The following METTL21C variants were observed in gnomAD, a reference collection of about 807,000 sequenced individuals.
The protein encoded by METTL21C is protein-lysine methyltransferase METTL21C.
A neutral mutation model predicts 25.9 loss-of-function variants in METTL21C; 21 were observed. That is an observed-to-expected ratio of 0.81 (90% CI 0.58 to 1.17). The LOEUF (loss-of-function observed/expected upper bound fraction) is 1.17. Ranked by LOEUF, METTL21C falls within the 50% of genes most tolerant of loss-of-function variation. The probability of loss-of-function intolerance (pLI) is 0.00; values close to 1 mark genes in which losing one functional copy is unlikely to be tolerated. For missense variants in METTL21C, 312 were observed against 315.1 expected (o/e 0.99, Z 0.07); for synonymous variants, 125 against 124.7 (o/e 1.00, Z -0.01).
chr13:102,693,835 G>A (rs1885886314), intron 1 of METTL21C, among the ~76,000 whole-genome samples: 1 of 152,148 alleles, frequency 6.6e-6, no homozygotes, highest in South Asian at 2.1e-4. Flanking sequence ...TTGGAGTTGG[G>A]ATACATTTTT....
At chr13:102,695,608 G>C (rs918077055), upstream of METTL21C, among the ~76,000 whole-genome samples, 7 of 152,134 alleles carry the variant, frequency 4.6e-5, no homozygotes, top group African/African-American at 1.7e-4. Context: ...CGTTTCTCTG[G>C]TGTCACTATT....
At chr13:102,691,007 A>C (rs1885817261) in intron 1 of METTL21C, 43 bp from the exon 2 acceptor site, 1 of 1,604,278 alleles carries the variant, frequency 6.2e-7, no homozygotes, top group East Asian at 2.2e-5. Flanking sequence ...ATTTGTTCAA[A>C]TCCAGTGCAA....
upstream of METTL21C, among the ~76,000 whole-genome samples, chr13:102,699,632 A>G (rs968437091): frequency 3.9e-5 from 6 of 152,226 alleles, no homozygotes; most frequent in African/African-American, 1.4e-4. Context: ...GACCTTCTTC[A>G]AGAACCCTGG....
the METTL21C span, among the ~76,000 whole-genome samples, chr13:102,701,326 G>C: frequency 4.6e-5 from 7 of 152,222 alleles, no homozygotes; most frequent in African/African-American, 1.2e-4. Context: ...TCGTCTCTGA[G>C]AGACATAGCA....
chr13:102,694,890 T>TCA lies in METTL21C; in HGVS notation c.-393_-392insTG, dbSNP rs1297800145. 8.9e-5 allele frequency among the ~76,000 whole-genome samples: 12 copies of TCA among 134,594 alleles called. No homozygotes were observed. The highest frequency in any genetic ancestry group is 3.4e-4 in the African/African-American group (11 of 31,944). The allele number at this position is 134,594 out of a possible 152,430, so 88.3% of individuals were successfully genotyped here. ...CTCTCTCTTTCTCTCTCTCTCTCTC[T>TCA]CTCTCTCTCTCACACACACACACAC... is the stretch of plus-strand genomic sequence containing the variant. On this transcript the variant is annotated 5_prime_UTR_variant, in exon 1 of 4. Transcript: ENST00000267273.
rs750070673 is a variant in METTL21C at position 102,686,055 on chromosome 13, A to G, written c.771T>C (p.Phe257=). The G allele has an allele frequency of 2.0e-5, 31 of 1,589,696 alleles. 1 individual carries two copies. The African/African-American group carries it at 3.6e-4, about 19-fold the overall frequency. ...AEYPESSVKL[F]KGILKWD is the part of the protein sequence containing the mutation. ...TTTAGTCCCATTTTAGTATCCCCTT[A>G]AAAAGTTTGACTGATGACTCTGGAT... is the stretch of plus-strand genomic sequence containing the variant. The change falls in exon 4 of 4, where the codon TTT becomes TTC. Residue 257 remains phenylalanine (F), a synonymous_variant. Coordinates refer to ENST00000267273, the MANE Select transcript of METTL21C (RefSeq NM_001010977.3).
chr13:102,701,147 G>A, the METTL21C span, among the ~76,000 whole-genome samples: 1 of 151,746 alleles, frequency 6.6e-6, no homozygotes, highest in African/African-American at 2.4e-5. Flanking sequence ...TTGGAGAGAC[G>A]TTCTCCCATG....
Position 102,686,308 on chromosome 13 carries a change from C to A in METTL21C, c.518G>T (p.Gly173Val), listed in dbSNP as rs1266657393. 1.1e-5 allele frequency: 17 copies of A among 1,614,054 alleles called. No individual in the cohort carries two copies. Among genetic ancestry groups the A allele is most frequent in the African/African-American group, 1.3e-5 (1 of 74,904 alleles). ...GGGAAAGTTTTTGTCCAGGTCTTCC[C>A]CCCATACCAGTTCTTTCACTTCAGG... ...HLPEVKELVW[G>V]EDLDKNFPKS... Residue 173 changes from glycine to valine, a missense_variant, in exon 4 of 4, where the codon GGG becomes GTG. Physicochemically the swap from Gly to Val is moderately radical, Grantham distance 109 (BLOSUM62 -3). Coordinates refer to ENST00000267273, the MANE Select transcript of METTL21C (RefSeq NM_001010977.3).
upstream of METTL21C, among the ~76,000 whole-genome samples, chr13:102,695,270 G>A (rs1016144624): frequency 2.0e-5 from 3 of 152,160 alleles, no homozygotes; most frequent in African/African-American, 7.2e-5. Context: ...GAAGGGACGG[G>A]AGTCAAAGGC....
the METTL21C span, among the ~76,000 whole-genome samples, chr13:102,704,177 C>T: frequency 6.6e-6 from 1 of 152,204 alleles, no homozygotes; most frequent in African/African-American, 2.4e-5. Flanking sequence ...TCAGAGCGCT[C>T]ACCTCATTTC....
the METTL21C span, among the ~76,000 whole-genome samples, chr13:102,703,161 A>G: frequency 4.7e-3 from 717 of 152,270 alleles, 1 homozygote; most frequent in Non-Finnish European, 8.5e-3. Flanking sequence ...CTTTCTTTCT[A>G]TAGCTGATGA....
chr13:102,693,792 C>T (rs1295973361), intron 1 of METTL21C, among the ~76,000 whole-genome samples: 2 of 152,148 alleles, frequency 1.3e-5, no homozygotes, highest in African/African-American at 4.8e-5. Context: ...TTTACGTAAA[C>T]AATGCAGTAA....
upstream of METTL21C, among the ~76,000 whole-genome samples, chr13:102,698,581 C>A (rs2138896264): frequency 6.6e-6 from 1 of 152,292 alleles, no homozygotes; most frequent in Non-Finnish European, 1.5e-5. Context: ...GAAGCTGACT[C>A]ACCAAAGCAC....
upstream of METTL21C, among the ~76,000 whole-genome samples, chr13:102,695,630 A>AT (rs1342693429): frequency 6.6e-6 from 1 of 152,038 alleles, no homozygotes; most frequent in Non-Finnish European, 1.5e-5. Context: ...TGTGTTCTTT[A>AT]TGTCAGTTTC....
At chr13:102,686,493 A>G in intron 3 of METTL21C, 68 bp from the exon 4 acceptor site, 23 of 1,496,494 alleles carry the variant, frequency 1.5e-5, no homozygotes, top group Non-Finnish European at 2.0e-5. Flanking sequence ...ACCCAGGGAG[A>G]AACACAAGAA....
chr13:102,695,173 G>A (rs1360132043), upstream of METTL21C, among the ~76,000 whole-genome samples: 23 of 152,028 alleles, frequency 1.5e-4, no homozygotes, highest in South Asian at 4.1e-4. Flanking sequence ...CCTAGGACCC[G>A]TATCCAGGCA....
chr13:102,689,949 C>T (rs903849063), intron 2 of METTL21C, among the ~76,000 whole-genome samples: 4 of 152,106 alleles, frequency 2.6e-5, no homozygotes, highest in African/African-American at 9.7e-5. Context: ...TGAAGGCAAA[C>T]GGAGGTGAGG....
At chr13:102,690,403 A>G (rs1364330689) in intron 2 of METTL21C, among the ~76,000 whole-genome samples, 1 of 151,126 alleles carries the variant, frequency 6.6e-6, no homozygotes, top group Non-Finnish European at 1.5e-5. Flanking sequence ...CCTGGGTAAC[A>G]GAGTGAGACT....
the METTL21C span, among the ~76,000 whole-genome samples, chr13:102,700,907 A>C: frequency 2.8e-4 from 42 of 151,996 alleles, no homozygotes; most frequent in African/African-American, 1.0e-3. Context: ...CGTTCTTTCC[A>C]TAGCGCCGTC....
Sources: allele counts gnomAD v4.1 joint callset (sites outside exome capture counted in the v4.1 genomes callset), GRCh38; gene constraint gnomAD v4.1.1; transcripts MANE v1.5; gene names NCBI Gene and HGNC (gene_info 2026-07-23, HGNC 2026-07-21).